RIBC2: variants seen among roughly 807,000 people sequenced by gnomAD.
RIBC2 encodes the protein RIB43A-like with coiled-coils protein 2.
In RIBC2, 40 loss-of-function variants were observed where a neutral mutation model predicts 44.3. That is an observed-to-expected ratio of 0.90 (90% CI 0.70 to 1.18). The LOEUF is 1.18. Among genes scored for constraint, RIBC2 ranks in the 50% most tolerant of loss-of-function variants. RIBC2 has a pLI of 0.00. For missense variants in RIBC2, 459 were observed against 485.5 expected (o/e 0.95, Z 0.51); for synonymous variants, 171 against 175.0 (o/e 0.98, Z 0.18).
intron 6 of RIBC2, 53 bp downstream of exon 6, chr22:45,431,119 G>A (rs567083620): frequency 1.6e-5 from 24 of 1,543,524 alleles, no homozygotes; most frequent in East Asian, 1.2e-4. Flanking sequence ...GAGGGACCGC[G>A]GGGCTGTGGA....
chr22:45,414,184 C>T, intron 1 of RIBC2, 138 bp from the exon 2 acceptor site: 8 of 1,476,500 alleles, frequency 5.4e-6, no homozygotes, highest in Non-Finnish European at 6.3e-6. Flanking sequence ...GAGTCACCAA[C>T]GGTTCTCCTC....
chr22:45,427,270 G>T (rs1312208011), intron 5 of RIBC2, among the ~76,000 whole-genome samples: 1 of 152,152 alleles, frequency 6.6e-6, no homozygotes, highest in Non-Finnish European at 1.5e-5. Context: ...TGCTATCCTT[G>T]GCTCCTGGCT....
Position 45,417,073 on chromosome 22 carries a change from G to T in RIBC2, c.212-529G>T, listed in dbSNP as rs570979519. 8.4e-3 allele frequency among the ~76,000 whole-genome samples: 1,276 copies of T among 151,548 alleles called. 9 individuals are homozygous for T. Among genetic ancestry groups the T allele is most frequent in the Non-Finnish European group, 0.014 (965 of 67,864 alleles). ...CCTGCCACCACGCCCGGCTAATTTT[G>T]AATTTTTAGTAGAGACAGGGTTTCA... On this transcript the variant is annotated intron_variant, in intron 2 of 6. Transcript: ENST00000614167.
chr22:45,416,262 A>G (rs2087423789), intron 2 of RIBC2, among the ~76,000 whole-genome samples: 1 of 151,714 alleles, frequency 6.6e-6, no homozygotes, highest in South Asian at 2.1e-4. Flanking sequence ...TGGCTGGTTT[A>G]GATTTTTTTT....
At position 45,431,065 on chromosome 22, in the gene RIBC2, C is replaced by T. The variant is rs1412588617; in HGVS notation, c.1069C>T (p.Gln357Ter). Reference protein sequence around the residue: ...NLSLAKEQHLQKKYMNEVYTN... With the variant: ...NLSLAKEQHL The stretch of plus-strand genomic sequence containing the variant: ...CAGCCTGGCCAAGGAGCAGCATTTG[C>T]AGTGAGTGCTGGGTGGGACCAGGGC... The change falls in exon 6 of 7, where the codon CAG becomes TAG. Residue 357 changes from glutamine (Q) to a stop codon, truncating the protein, a stop_gained and splice_region_variant. Coordinates refer to ENST00000614167, the MANE Select transcript of RIBC2 (RefSeq NM_015653.5). LOFTEE classifies it high-confidence loss of function. 1.3e-6 allele frequency: 2 copies of T among 1,570,220 alleles called. No homozygotes were observed. Among genetic ancestry groups the T allele is most frequent in the South Asian group, 2.3e-5 (2 of 85,566 alleles).
intron 1 of RIBC2, 74 bp downstream of exon 1, chr22:45,414,089 A>G (rs1678047780): frequency 1.1e-5 from 17 of 1,534,144 alleles, no homozygotes; most frequent in African/African-American, 4.1e-5. Context: ...GGGAAAGGAG[A>G]TGAGTTCTAG....
intron 5 of RIBC2, among the ~76,000 whole-genome samples, chr22:45,427,743 TC>T (rs2087546603): frequency 6.6e-6 from 1 of 152,262 alleles, no homozygotes. Context: ...CAAGCGATTC[TC>T]CTGCCTCAGC....
chr22:45,429,679 G>A (rs1029404756), intron 5 of RIBC2, among the ~76,000 whole-genome samples: 10 of 152,170 alleles, frequency 6.6e-5, no homozygotes, highest in Non-Finnish European at 1.3e-4. Flanking sequence ...AAAGGGCGCC[G>A]GGGCTGGAAT....
intron 5 of RIBC2, among the ~76,000 whole-genome samples, chr22:45,430,560 G>A (rs2087569911): frequency 1.3e-5 from 2 of 152,214 alleles, no homozygotes; most frequent in Non-Finnish European, 2.9e-5. Flanking sequence ...GGAGCCCCCT[G>A]AGGACCTGAG....
chr22:45,418,008 TTTTTTTTTTTTTTAA>T lies in RIBC2; in HGVS notation c.556+63_556+77del, dbSNP rs1241081529. The T allele has an allele frequency of 2.3e-4, 212 of 904,636 alleles. 7 individuals are homozygous for T. The highest frequency in any genetic ancestry group is 3.3e-4 in the African/African-American group (7 of 21,506). The allele number at this position is 904,636 out of a possible 1,614,324, so 56.0% of individuals were successfully genotyped here. A position where few individuals can be genotyped will look rare whatever the true frequency, so the allele number is the denominator to read the frequency against. The stretch of plus-strand genomic sequence containing the variant: ...CTCTTCAACAAACCAACCCTACAGT[TTTTTTTTTTTTTTAA>T]GCAACCCTACAGTTTTTTTTTTTTT... On this transcript the variant is annotated intron_variant, in intron 3 of 6. Transcript: ENST00000614167.
intron 4 of RIBC2, among the ~76,000 whole-genome samples, chr22:45,424,385 A>G (rs1196058130): frequency 1.1e-5 from 1 of 88,916 alleles, no homozygotes; most frequent in African/African-American, 1.1e-4. Flanking sequence ...GAGCCCGACC[A>G]CACGGGGTGC....
At position 45,413,730 on chromosome 22, in the gene RIBC2, C is replaced by T. The variant is rs571461524; in HGVS notation, c.-157C>T. On this transcript the variant is annotated 5_prime_UTR_variant, in exon 1 of 7. Transcript: ENST00000614167. ...TCCGAGAGAGCGGGAGCGTCTGTAC[C>T]TCTGCGGCGTCACTGGGAGCCCGAC... 7 of 1,192,298 alleles carry T rather than the reference C, an allele frequency of 5.9e-6. No homozygotes were observed. Among genetic ancestry groups the T allele is most frequent in the Non-Finnish European group, 8.2e-6 (7 of 853,622 alleles). The allele number at this position is 1,192,298 out of a possible 1,614,324, so 73.9% of individuals were successfully genotyped here. A position where few individuals can be genotyped will look rare whatever the true frequency, so the allele number is the denominator to read the frequency against.
chr22:45,413,726 G>A lies in RIBC2; in HGVS notation c.-161G>A. 1.7e-6 allele frequency: 2 copies of A among 1,176,946 alleles called. No individual in the cohort carries two copies. Among genetic ancestry groups the A allele is most frequent in the Admixed American group, 2.4e-5 (1 of 40,896 alleles). 72.9% of individuals were successfully genotyped at this position (1,176,946 alleles called of 1,614,324 possible). On this transcript the variant is annotated 5_prime_UTR_variant, in exon 1 of 7. Coordinates refer to ENST00000614167, the MANE Select transcript of RIBC2 (RefSeq NM_015653.5). ...CATTTCCGAGAGAGCGGGAGCGTCT[G>A]TACCTCTGCGGCGTCACTGGGAGCC...
intron 5 of RIBC2, among the ~76,000 whole-genome samples, chr22:45,426,760 G>T (rs1259231751): frequency 6.6e-6 from 1 of 152,232 alleles, no homozygotes; most frequent in African/African-American, 2.4e-5. Flanking sequence ...TAGGGGCTGA[G>T]GGGGAAGGAA....
chr22:45,413,710 GAGAGC>G lies in RIBC2; in HGVS notation c.-176_-172del. The G allele has an allele frequency of 8.6e-7, 1 of 1,158,498 alleles. No individual in the cohort carries two copies. The highest frequency in any genetic ancestry group is 1.2e-6 in the Non-Finnish European group (1 of 815,396). 71.8% of individuals were successfully genotyped at this position (1,158,498 alleles called of 1,614,324 possible). A position where few individuals can be genotyped will look rare whatever the true frequency, so the allele number is the denominator to read the frequency against. On this transcript the variant is annotated 5_prime_UTR_variant, in exon 1 of 7. Transcript: ENST00000614167. ...AGCAACGAGTTGTTGACATTTCCGA[GAGAGC>G]GGGAGCGTCTGTACCTCTGCGGCGT...
intron 4 of RIBC2, 192 bp downstream of exon 4, chr22:45,422,600 T>C (rs1276306953): frequency 1.7e-6 from 1 of 592,756 alleles, no homozygotes; most frequent in African/African-American, 1.9e-5. Context: ...GTGCCTTAGC[T>C]CTGAATCTTG....
At chr22:45,415,509 A>C (rs941148633) in intron 2 of RIBC2, among the ~76,000 whole-genome samples, 2 of 152,040 alleles carry the variant, frequency 1.3e-5, no homozygotes, top group Non-Finnish European at 2.9e-5. Flanking sequence ...TGACAGGTAC[A>C]TATGTACCCA....
At chr22:45,422,235 G>A in intron 3 of RIBC2, 55 bp from the exon 4 acceptor site, 5 of 1,310,550 alleles carry the variant, frequency 3.8e-6, no homozygotes, top group East Asian at 4.6e-5. Flanking sequence ...ACGGCCACAC[G>A]TGGGAAGGTG....
At chr22:45,415,163 A>G (rs1174115287) in intron 2 of RIBC2, among the ~76,000 whole-genome samples, 1 of 151,646 alleles carries the variant, frequency 6.6e-6, no homozygotes, top group East Asian at 1.9e-4. Context: ...TTGCCTGGGC[A>G]ACAAAGCGAG....
Sources: gnomAD v4.1 joint callset for allele counts (sites outside exome capture counted in the v4.1 genomes callset) on GRCh38, gnomAD v4.1.1 for gene constraint, MANE v1.5 for transcripts, NCBI Gene and HGNC (gene_info 2026-07-23, HGNC 2026-07-21) for gene names.